C1orf116: variants seen among roughly 807,000 people sequenced by gnomAD.
The protein encoded by C1orf116 is specifically androgen-regulated gene protein.
C1orf116 carries 12 observed loss-of-function variants against 14.1 expected under a neutral mutation model. The ratio of observed to expected loss-of-function variants is 0.85; its 90% CI spans 0.54 to 1.38. The LOEUF (loss-of-function observed/expected upper bound fraction) is 1.38. Among genes scored for constraint, C1orf116 ranks in the 40% most tolerant of loss-of-function variants. The probability of loss-of-function intolerance (pLI) is 0.00; values close to 1 mark genes in which losing one functional copy is unlikely to be tolerated. For synonymous variants in C1orf116, 296 were observed against 299.0 expected (o/e 0.99, Z 0.10); for missense variants, 797 against 747.0 (o/e 1.07, Z -0.78).
In C1orf116 at chr1:207,023,168, G is replaced by A. The variant is rs1572694290; in HGVS notation, c.596C>T (p.Pro199Leu). The stretch of plus-strand genomic sequence containing the variant: ...GGTGTCCCGGAAAGCTTCTGGCGGA[G>A]GGATGAGCACCACGTCCAAGTCAAG... ...AALDLDVVLI[P>L]PPEAFRDTQP... The change falls in exon 4 of 4, where the codon CCT becomes CTT. Residue 199 changes from proline to leucine, a missense_variant. By Grantham distance (98) the Pro-to-Leu change is moderately conservative (BLOSUM62 -3). Coordinates refer to ENST00000359470, the MANE Select transcript of C1orf116 (RefSeq NM_023938.6). 1 of 1,610,620 alleles carries A rather than the reference G, an allele frequency of 6.2e-7. No individual in the cohort carries two copies. The highest frequency in any genetic ancestry group is 8.5e-7 in the Non-Finnish European group (1 of 1,178,270).
chr1:207,022,794 G>A lies in C1orf116; in HGVS notation c.970C>T (p.Arg324Cys), dbSNP rs201485765. 170 of 1,613,916 alleles carry A rather than the reference G, an allele frequency of 1.1e-4. No individual in the cohort carries two copies. Among genetic ancestry groups the A allele is most frequent in the Non-Finnish European group, 1.3e-4 (159 of 1,180,014 alleles). Reference protein sequence around the residue: ...FHSDPQHWLSRHTEAAPGDSG... With the variant: ...FHSDPQHWLSCHTEAAPGDSG... ...TCTCCAGGGGCAGCCTCAGTGTGGCGGGACAGCCAGTGCTGGGGGTCACTG... is the reference window on the plus strand; with the variant it reads ...TCTCCAGGGGCAGCCTCAGTGTGGCAGGACAGCCAGTGCTGGGGGTCACTG... The change falls in exon 4 of 4, where the codon CGC (arginine) becomes TGC (cysteine). Residue 324 changes from arginine to cysteine, a missense_variant. Physicochemically the swap from Arg to Cys is radical, Grantham distance 180 (BLOSUM62 -3). Coordinates refer to ENST00000359470, the MANE Select transcript of C1orf116 (RefSeq NM_023938.6).
chr1:207,031,777 G>T (rs904335220), intron 1 of C1orf116, among the ~76,000 whole-genome samples: 3 of 152,158 alleles, frequency 2.0e-5, no homozygotes, highest in Non-Finnish European at 4.4e-5. Context: ...CACTACCTTG[G>T]CTTGAGCCCC....
chr1:207,025,290 AG>A (rs1682045031), intron 2 of C1orf116, among the ~76,000 whole-genome samples: 1 of 152,156 alleles, frequency 6.6e-6, no homozygotes, highest in Non-Finnish European at 1.5e-5. Flanking sequence ...GGCACCAGGG[AG>A]GGCAGAGTCT....
chr1:207,025,528 GC>G (rs1406918668), intron 2 of C1orf116, among the ~76,000 whole-genome samples: 1 of 152,134 alleles, frequency 6.6e-6, no homozygotes, highest in East Asian at 1.9e-4. Flanking sequence ...CAGTGGTATT[GC>G]TTTTAACTTT....
At chr1:207,029,352 T>C (rs531977899) in intron 1 of C1orf116, among the ~76,000 whole-genome samples, 1 of 152,158 alleles carries the variant, frequency 6.6e-6, no homozygotes, top group Admixed American at 6.5e-5. Context: ...CTCTTAGGGT[T>C]TCTTCATGAG....
chr1:207,021,972 G>A lies in C1orf116; in HGVS notation c.1792C>T (p.Leu598=). ...HRREALKKLG[L]LKE ...GGTCGCAGAGTCTACTCCTTCAACA[G>A]TCCCAGCTTCTTCAGGGCCTCCCTT... Residue 598 remains leucine (L), a synonymous_variant, in exon 4 of 4, where the codon CTG becomes TTG. Transcript: ENST00000359470. 1 of 1,530,272 alleles carries A rather than the reference G, an allele frequency of 6.5e-7. No individual in the cohort carries two copies. The highest frequency in any genetic ancestry group is 1.3e-5 in the South Asian group (1 of 76,198). 94.8% of individuals were successfully genotyped at this position (1,530,272 alleles called of 1,614,324 possible). A position where few individuals can be genotyped will look rare whatever the true frequency, so the allele number is the denominator to read the frequency against.
Position 207,023,455 on chromosome 1 carries a change from C to T in C1orf116, c.309G>A (p.Gln103=). The change falls in exon 4 of 4, where the codon CAG becomes CAA. Residue 103 remains glutamine (Q), a synonymous_variant. Coordinates refer to ENST00000359470, the MANE Select transcript of C1orf116 (RefSeq NM_023938.6). ...TTACTGTCCTTGGCGTTCGTCCTTG[C>T]TGAGTGATGGTCTCCTCTGGACCTC... is the stretch of plus-strand genomic sequence containing the variant. The part of the protein sequence containing the change: ...PRGGPEETIT[Q]QGRTPRTVTE... 6.2e-7 allele frequency: 1 copy of T among 1,612,514 alleles called. No individual in the cohort carries two copies.
In C1orf116 at chr1:207,022,431, T is replaced by C. The variant is rs1325115584; in HGVS notation, c.1333A>G (p.Ile445Val). The C allele has an allele frequency of 8.1e-6, 13 of 1,614,162 alleles. No individual in the cohort carries two copies. Among genetic ancestry groups the C allele is most frequent in the Non-Finnish European group, 1.1e-5 (13 of 1,180,010 alleles). Residue 445 changes from isoleucine to valine, a missense_variant, in exon 4 of 4, where the codon ATC (isoleucine) becomes GTC (valine). Ile to Val is a conservative substitution (Grantham distance 29). Coordinates refer to ENST00000359470, the MANE Select transcript of C1orf116 (RefSeq NM_023938.6). ...VAASKSMPIS[I>V]PKAPRANSAL... ...CTGTTTGCCCTTGGGGCCTTAGGGA[T>C]AGAAATTGGCATAGATTTGCTAGCT... is the stretch of plus-strand genomic sequence containing the variant.
chr1:207,025,103 G>C (rs745744170), intron 2 of C1orf116, 39 bp from the exon 3 acceptor site: 2 of 951,058 alleles, frequency 2.1e-6, no homozygotes, highest in Admixed American at 4.2e-5. Flanking sequence ...CGGGGAGGCG[G>C]GGGGGAGGGC....
intron 1 of C1orf116, 150 bp from the exon 2 acceptor site, chr1:207,027,829 T>C (rs1006729986): frequency 1.8e-5 from 16 of 874,182 alleles, no homozygotes; most frequent in Non-Finnish European, 2.4e-5. Flanking sequence ...CCGGCCTGCA[T>C]GGAAGGACCC....
chr1:207,032,548 A>G, intron 1 of C1orf116, 31 bp downstream of exon 1: 2 of 981,562 alleles, frequency 2.0e-6, no homozygotes, highest in Non-Finnish European at 2.4e-6. Context: ...TTGCTATAGG[A>G]TAAGCAATAG....
At chr1:207,030,951 G>A (rs1199489511) in intron 1 of C1orf116, among the ~76,000 whole-genome samples, 3 of 152,138 alleles carry the variant, frequency 2.0e-5, no homozygotes, top group Admixed American at 6.5e-5. Context: ...TTCAAGTTCT[G>A]GCATCTGGAG....
Position 207,022,536 on chromosome 1 carries a change from G to T in C1orf116, c.1228C>A (p.Leu410Met). The T allele has an allele frequency of 6.2e-7, 1 of 1,614,184 alleles. No individual in the cohort carries two copies. The highest frequency in any genetic ancestry group is 8.5e-7 in the Non-Finnish European group (1 of 1,180,008). Residue 410 changes from leucine to methionine, a missense_variant, in exon 4 of 4, where the codon CTG (leucine) becomes ATG (methionine). Transcript: ENST00000359470. ...SAAIPAAGKA[L>M]AQAPAPAPGP... Reference sequence around the variant, plus strand: ...GGAGCTGGAGCCGGAGCTTGAGCCAGAGCCTTCCCAGCAGCAGGAATAGCT... The same window carrying T: ...GGAGCTGGAGCCGGAGCTTGAGCCATAGCCTTCCCAGCAGCAGGAATAGCT...
chr1:207,024,772 C>A, intron 3 of C1orf116, 115 bp downstream of exon 3: 2 of 1,307,948 alleles, frequency 1.5e-6, no homozygotes, highest in South Asian at 1.3e-5. Flanking sequence ...TGTGGCTACA[C>A]CTTCTTCTGC....
chr1:207,024,534 C>T (rs1682010211), intron 3 of C1orf116, among the ~76,000 whole-genome samples: 1 of 152,256 alleles, frequency 6.6e-6, no homozygotes, highest in Non-Finnish European at 1.5e-5. Context: ...GCTCTCTAGA[C>T]TGACTCAGTC....
rs75581433 is a variant in C1orf116, at chr1:207,023,053, C to T, written c.711G>A (p.Gln237=). Residue 237 remains glutamine (Q), a synonymous_variant, in exon 4 of 4, where the codon CAG becomes CAA. Coordinates refer to ENST00000359470, the MANE Select transcript of C1orf116 (RefSeq NM_023938.6). Reference sequence around the variant, plus strand: ...CTTCTGAAGGAGTCTGCTCTCTTTCCTGGGAGCTGGATGGTGTGTGGAGCT... The same window carrying T: ...CTTCTGAAGGAGTCTGCTCTCTTTCTTGGGAGCTGGATGGTGTGTGGAGCT... ...TPQLHTPSSS[Q]EREQTPSEAM... 1.3e-3 allele frequency: 2,056 copies of T among 1,613,038 alleles called. 21 individuals are homozygous for T. In the African/African-American group the frequency reaches 0.024, roughly 19 times the overall value.
chr1:207,026,962 T>C (rs1328353662), intron 2 of C1orf116, among the ~76,000 whole-genome samples: 1 of 152,216 alleles, frequency 6.6e-6, no homozygotes, highest in African/African-American at 2.4e-5. Flanking sequence ...CAAATTGAAT[T>C]GGGTATGAAC....
rs771801364 is a variant in C1orf116, at chr1:207,019,707, G to A, written c.*2251C>T. The stretch of plus-strand genomic sequence containing the variant: ...AATATGCTCCTTGAAGGATGAGGAT[G>A]TGGAGAAGCACGGTATCTTTAAAAA... On this transcript the variant is annotated 3_prime_UTR_variant, in exon 4 of 4. Transcript: ENST00000359470. 5 of 152,220 alleles carry A rather than the reference G, an allele frequency of 3.3e-5. No homozygotes were observed. The highest frequency in any genetic ancestry group is 4.8e-5 in the African/African-American group (2 of 41,456). The allele number at this position is 152,220 out of a possible 1,614,324, so 9.4% of individuals were successfully genotyped here. A position where few individuals can be genotyped will look rare whatever the true frequency, so the allele number is the denominator to read the frequency against.
rs1223551184 is a variant in C1orf116, at chr1:207,022,850, A to G, written c.914T>C (p.Ile305Thr). ...TPKPRKLPPN[I>T]VLKSSRSSFH... ...ACTGCTTCGGCTGCTCTTCAGAACA[A>G]TATTAGGTGGCAGCTTCCGGGGCTT... is the stretch of plus-strand genomic sequence containing the variant. Residue 305 changes from isoleucine to threonine, a missense_variant, in exon 4 of 4, where the codon ATT becomes ACT. Ile to Thr is a moderately conservative substitution (Grantham distance 89). Transcript: ENST00000359470. 5.0e-6 allele frequency: 8 copies of G among 1,613,922 alleles called. No homozygotes were observed. The African/African-American group carries it at 1.1e-4, about 22-fold the overall frequency.
Sources: gnomAD v4.1 joint callset for allele counts (sites outside exome capture counted in the v4.1 genomes callset) on GRCh38, gnomAD v4.1.1 for gene constraint, MANE v1.5 for transcripts, NCBI Gene and HGNC (gene_info 2026-07-23, HGNC 2026-07-21) for gene names.